The following USH2A variants were observed in gnomAD, a reference collection of about 807,000 sequenced individuals.
USH2A encodes the protein Usher syndrome 2A (autosomal recessive, mild).
A neutral mutation model predicts 538.9 loss-of-function variants in USH2A; 443 were observed. The observed-to-expected ratio is 0.82, with a 90% CI of 0.76 to 0.89. The LOEUF is 0.89. USH2A is among the 40% of genes least tolerant of loss of function. The pLI is 0.00. For missense variants in USH2A, 6,633 were observed against 6,324.8 expected (o/e 1.05, Z -1.65); for synonymous variants, 2,413 against 2,273.5 (o/e 1.06, Z -1.75).
rs144768593 is a variant in USH2A at position 216,073,265 on chromosome 1, G to C, written c.5608C>G (p.Arg1870Gly). Reference protein sequence around the residue: ...GGCMKDVKFTRGAVVNLASVS... With the variant: ...GGCMKDVKFTGGAVVNLASVS... The stretch of plus-strand genomic sequence containing the variant: ...GATGCCAAGTTAACGACAGCACCCC[G>C]TGTAAATTTAACATCCTTCATGCAA... Residue 1870 changes from arginine (R) to glycine (G), a missense_variant, in exon 28 of 72, where the codon CGG becomes GGG. Coordinates refer to ENST00000307340, the MANE Select transcript of USH2A (RefSeq NM_206933.4). The C allele has an allele frequency of 6.2e-7, 1 of 1,613,608 alleles. No homozygotes were observed. The highest frequency in any genetic ancestry group is 1.3e-5 in the African/African-American group (1 of 74,848).
At chr1:216,177,291 C>A (rs1368814821) in intron 20 of USH2A, among the ~76,000 whole-genome samples, 1 of 152,108 alleles carries the variant, frequency 6.6e-6, no homozygotes, top group African/African-American at 2.4e-5. Flanking sequence ...TTTTAATTTG[C>A]ATTTCCCTTT....
chr1:215,783,940 C>A (rs1199062253), intron 52 of USH2A, among the ~76,000 whole-genome samples: 1 of 152,110 alleles, frequency 6.6e-6, no homozygotes, highest in Non-Finnish European at 1.5e-5. Context: ...TACAATAAAC[C>A]CTTCCCTGCC....
intron 32 of USH2A, among the ~76,000 whole-genome samples, chr1:216,042,817 G>GT (rs2030337847): frequency 6.6e-6 from 1 of 152,004 alleles, no homozygotes; most frequent in Non-Finnish European, 1.5e-5. Flanking sequence ...ATCTGTGGTC[G>GT]TAAGAGTGGG....
At chr1:216,249,118 C>T (rs957616332) in intron 12 of USH2A, among the ~76,000 whole-genome samples, 12 of 151,860 alleles carry the variant, frequency 7.9e-5, no homozygotes, top group Admixed American at 6.6e-4. Flanking sequence ...AAGTTACTTG[C>T]TGATCCCATT....
rs755573653 is a variant in USH2A at position 215,628,834 on chromosome 1, T to C, written c.15499A>G (p.Met5167Val). 4.3e-6 allele frequency: 7 copies of C among 1,614,074 alleles called. No individual in the cohort carries two copies. The African/African-American group carries it at 9.3e-5, about 22-fold the overall frequency. ...CTCACCAGTCCACTGTTGTGGCCCA[T>C]GATGGCTTCCCACAGTGAGTTGTCC... ...LMDNSLWEAI[M>V]GHNSGLYVDE... Residue 5167 changes from methionine to valine, a missense_variant, in exon 71 of 72, where the codon ATG becomes GTG. By Grantham distance (21) the Met-to-Val change is conservative. Coordinates refer to ENST00000307340, the MANE Select transcript of USH2A (RefSeq NM_206933.4).
chr1:215,753,088 A>G (rs1419121088), intron 58 of USH2A, among the ~76,000 whole-genome samples: 7 of 152,256 alleles, frequency 4.6e-5, no homozygotes. Flanking sequence ...CATCAGAGAA[A>G]TGCAAGTCAA....
chr1:216,090,393 A>G (rs2032267991), intron 22 of USH2A, among the ~76,000 whole-genome samples: 1 of 151,506 alleles, frequency 6.6e-6, no homozygotes, highest in African/African-American at 2.4e-5. Context: ...AAAGAGCTCG[A>G]CAACATGTAT....
Position 215,766,745 on chromosome 1 carries a change from A to G in USH2A, c.10983T>C (p.Cys3661=), listed in dbSNP as rs1460158856. 1 of 1,613,694 alleles carries G rather than the reference A, an allele frequency of 6.2e-7. No homozygotes were observed. The highest frequency in any genetic ancestry group is 1.1e-5 in the South Asian group (1 of 91,086). Residue 3661 remains cysteine, a synonymous_variant, in exon 56 of 72, where the codon TGT becomes TGC. Transcript: ENST00000307340. ...YTNYSFTLTA[C]TSAGCTSSEP... is the part of the protein sequence containing the mutation. ...CGCTTGAAGTGCACCCAGCAGATGT[A>G]CAAGCTGTAAGAGTGAAGCTGTAGT...
chr1:215,783,141 G>T (rs1336114747), intron 52 of USH2A, among the ~76,000 whole-genome samples: 1 of 151,966 alleles, frequency 6.6e-6, no homozygotes, highest in Non-Finnish European at 1.5e-5. Flanking sequence ...ATACGGAATT[G>T]CACAGAATAG....
intron 3 of USH2A, among the ~76,000 whole-genome samples, chr1:216,413,476 A>T (rs1365989869): frequency 1.3e-5 from 2 of 152,112 alleles, no homozygotes; most frequent in Non-Finnish European, 2.9e-5. Context: ...TATTCTAACA[A>T]ATGTTGGTTA....
chr1:215,867,465 T>C (rs970563325), intron 43 of USH2A, among the ~76,000 whole-genome samples: 1 of 152,224 alleles, frequency 6.6e-6, no homozygotes, highest in Non-Finnish European at 1.5e-5. Flanking sequence ...CTTATTCTTA[T>C]TGTTTTCAGA....
At chr1:216,081,964 C>T (rs2031961555) in intron 26 of USH2A, among the ~76,000 whole-genome samples, 1 of 151,056 alleles carries the variant, frequency 6.6e-6, no homozygotes, top group Admixed American at 6.6e-5. Flanking sequence ...AATACAGTAA[C>T]AAAGCAATGA....
chr1:216,030,425 GAC>G (rs1443970230), intron 32 of USH2A, among the ~76,000 whole-genome samples: 53 of 56,144 alleles, frequency 9.4e-4, no homozygotes, highest in African/African-American at 2.6e-3. Flanking sequence ...ATATATCACA[GAC>G]ATATAATATA....
At chr1:215,979,420 A>C (rs1229866984) in intron 35 of USH2A, among the ~76,000 whole-genome samples, 3 of 152,208 alleles carry the variant, frequency 2.0e-5, no homozygotes, top group African/African-American at 7.2e-5. Context: ...TATGATGCAC[A>C]GGAGACCATT....
intron 15 of USH2A, among the ~76,000 whole-genome samples, chr1:216,215,190 T>G (rs2035319973): frequency 6.6e-6 from 1 of 152,086 alleles, no homozygotes; most frequent in Non-Finnish European, 1.5e-5. Context: ...ACTAAATTAT[T>G]GCTAGTGGCC....
chr1:216,115,647 T>C (rs972696343), intron 21 of USH2A, among the ~76,000 whole-genome samples: 5 of 152,148 alleles, frequency 3.3e-5, no homozygotes, highest in African/African-American at 1.2e-4. Flanking sequence ...ATCCTCCCTT[T>C]ATACGTACTG....
intron 9 of USH2A, among the ~76,000 whole-genome samples, chr1:216,319,059 C>T (rs1007026556): frequency 6.6e-6 from 1 of 152,168 alleles, no homozygotes; most frequent in East Asian, 1.9e-4. Context: ...AAGAACATAT[C>T]ATATGAAGGT....
chr1:215,929,991 A>G (rs2102495704), intron 38 of USH2A, among the ~76,000 whole-genome samples: 1 of 152,090 alleles, frequency 6.6e-6, no homozygotes, highest in South Asian at 2.1e-4. Flanking sequence ...ACTCGCAACC[A>G]TTTTGCCTTT....
chr1:216,051,282 T>C (rs141520106), intron 30 of USH2A, among the ~76,000 whole-genome samples: 30 of 152,352 alleles, frequency 2.0e-4, no homozygotes, highest in African/African-American at 6.7e-4. Flanking sequence ...CCCACTGGTA[T>C]TTCATACTCA....
Sources: allele counts gnomAD v4.1 joint callset (sites outside exome capture counted in the v4.1 genomes callset), GRCh38; gene constraint gnomAD v4.1.1; transcripts MANE v1.5; gene names NCBI Gene and HGNC (gene_info 2026-07-23, HGNC 2026-07-21).